The following SLC14A2 variants were observed in gnomAD, a reference collection of about 807,000 sequenced individuals.
SLC14A2 encodes urea transporter 2.
SLC14A2 carries 91 observed loss-of-function variants against 104.6 expected under a neutral mutation model. The ratio of observed to expected loss-of-function variants is 0.87; its 90% CI spans 0.73 to 1.04. SLC14A2 has a LOEUF of 1.04. Among genes scored for constraint, SLC14A2 ranks in the 50% least tolerant of loss-of-function variants. SLC14A2 has a pLI of 0.00. For missense variants in SLC14A2, 1,189 were observed against 1,156.0 expected, an observed-to-expected ratio of 1.03 and a Z score of -0.41; for synonymous variants, 476 against 466.4, an observed-to-expected ratio of 1.02 and a Z score of -0.27.
intron 2 of SLC14A2, among the ~76,000 whole-genome samples, chr18:45,536,598 A>G (rs1450530261): frequency 2.0e-5 from 3 of 152,164 alleles, no homozygotes; most frequent in African/African-American, 7.2e-5. Flanking sequence ...CTTCTCCAGT[A>G]TGATCTCATC....
chr18:45,423,232 T>TC (rs2086373925), intron 1 of SLC14A2, among the ~76,000 whole-genome samples: 2 of 152,166 alleles, frequency 1.3e-5, no homozygotes, highest in African/African-American at 4.8e-5. Flanking sequence ...CTTCCCACAA[T>TC]CCCATAATGT....
At chr18:45,274,176 G>A (rs1599634371) in intron 1 of SLC14A2, among the ~76,000 whole-genome samples, 1 of 152,066 alleles carries the variant, frequency 6.6e-6, no homozygotes, top group African/African-American at 2.4e-5. Flanking sequence ...GGGTAGGGGA[G>A]GCCAAAGTAC....
intron 2 of SLC14A2, among the ~76,000 whole-genome samples, chr18:45,553,359 T>C (rs185366423): frequency 1.3e-3 from 193 of 152,298 alleles, no homozygotes; most frequent in African/African-American, 4.4e-3. Flanking sequence ...ACTTTTCCCA[T>C]TCCCTTGACC....
chr18:45,481,598 C>T (rs938336834), intron 1 of SLC14A2, among the ~76,000 whole-genome samples: 3 of 152,120 alleles, frequency 2.0e-5, no homozygotes, highest in Admixed American at 2.0e-4. Context: ...ATACAAAATG[C>T]TTCCAAAAAA....
the SLC14A2 span, among the ~76,000 whole-genome samples, chr18:45,170,763 C>A: frequency 6.6e-6 from 1 of 152,110 alleles, no homozygotes; most frequent in East Asian, 1.9e-4. Context: ...TGGGTCTAGG[C>A]AAATGTGACA....
At chr18:45,289,372 C>A (rs1219618489) in intron 1 of SLC14A2, among the ~76,000 whole-genome samples, 1 of 152,078 alleles carries the variant, frequency 6.6e-6, no homozygotes, top group African/African-American at 2.4e-5. Flanking sequence ...CATAGTGGTT[C>A]TTTGAGTCCC....
At chr18:45,223,127 A>G (rs1175959290) in intron 1 of SLC14A2, among the ~76,000 whole-genome samples, 2 of 152,178 alleles carry the variant, frequency 1.3e-5, no homozygotes, top group Non-Finnish European at 2.9e-5. Context: ...GCCCTATAAG[A>G]TGGAATCTGT....
the SLC14A2 span, among the ~76,000 whole-genome samples, chr18:45,183,893 G>A: frequency 7.6e-6 from 1 of 132,084 alleles, no homozygotes; most frequent in Non-Finnish European, 1.7e-5. Flanking sequence ...CACCTCACCT[G>A]GCTAATTTTC....
At chr18:45,558,908 A>C (rs1328237132) in intron 2 of SLC14A2, among the ~76,000 whole-genome samples, 1 of 152,132 alleles carries the variant, frequency 6.6e-6, no homozygotes, top group East Asian at 1.9e-4. Flanking sequence ...CCTCTGCCTC[A>C]GCCTCCAGAG....
chr18:45,326,560 C>A (rs892052391), intron 1 of SLC14A2, among the ~76,000 whole-genome samples: 1 of 152,208 alleles, frequency 6.6e-6, no homozygotes, highest in African/African-American at 2.4e-5. Context: ...GTCATCTCCC[C>A]TACCCTCCTG....
At chr18:45,350,301 A>G (rs145741721) in intron 1 of SLC14A2, among the ~76,000 whole-genome samples, 24 of 152,340 alleles carry the variant, frequency 1.6e-4, no homozygotes, top group Middle Eastern at 3.4e-3. Flanking sequence ...CATACACTAA[A>G]CAGTCACCAT....
At chr18:45,261,647 G>A (rs1256298964) in intron 1 of SLC14A2, among the ~76,000 whole-genome samples, 1 of 151,858 alleles carries the variant, frequency 6.6e-6, no homozygotes, top group Non-Finnish European at 1.5e-5. Context: ...CTATAAGTGA[G>A]AACATGCGGT....
Position 45,313,172 on chromosome 18 carries a change from A to G in SLC14A2, c.-125+99981A>G, listed in dbSNP as rs374856815. Among the ~76,000 whole-genome samples, 263 of 152,312 alleles carry G rather than the reference A, an allele frequency of 1.7e-3. 4 individuals are homozygous for G. In the South Asian group the frequency reaches 0.026, roughly 15 times the overall value. Reference sequence around the variant, plus strand: ...GGATGGCATCCATACTGAACAGACTAATTTGATGAGCTGAGGGGATTTTCC... The same window carrying G: ...GGATGGCATCCATACTGAACAGACTGATTTGATGAGCTGAGGGGATTTTCC... On this transcript the variant is annotated intron_variant, in intron 1 of 20. Transcript: ENST00000586448.
intron 1 of SLC14A2, among the ~76,000 whole-genome samples, chr18:45,274,611 A>G (rs765998098): frequency 1.3e-5 from 2 of 152,188 alleles, no homozygotes; most frequent in Non-Finnish European, 2.9e-5. Flanking sequence ...ACAAATTCTT[A>G]CTTTCTCAAG....
intron 18 of SLC14A2, among the ~76,000 whole-genome samples, chr18:45,674,178 G>A (rs1447045803): frequency 6.6e-6 from 1 of 152,142 alleles, no homozygotes; most frequent in Non-Finnish European, 1.5e-5. Context: ...TTTGTTCAGA[G>A]TCCCAGGAAA....
Position 45,669,425 on chromosome 18 carries a change from TC to T in SLC14A2, c.2157del (p.Phe720SerfsTer26), listed in dbSNP as rs749411360. On this transcript the variant is annotated frameshift_variant, in exon 16 of 20. Transcript: ENST00000255226. LOFTEE classifies it high-confidence loss of function. ...GCAGCCACGGGCCACTACAACCTTTTCTTCCCCACAACGCTGCTGCAGCCTG... is the reference window on the plus strand; with the variant it reads ...GCAGCCACGGGCCACTACAACCTTTTTTCCCCACAACGCTGCTGCAGCCTG... The part of the protein sequence containing the change: ...YLAATGHYNL[F>X]FPTTLLQPAS... 5.0e-6 allele frequency: 8 copies of T among 1,614,150 alleles called. No individual in the cohort carries two copies. The East Asian group carries it at 1.8e-4, about 36-fold the overall frequency.
At chr18:45,464,901 G>C (rs1212366091) in intron 1 of SLC14A2, among the ~76,000 whole-genome samples, 1 of 152,186 alleles carries the variant, frequency 6.6e-6, no homozygotes, top group Non-Finnish European at 1.5e-5. Flanking sequence ...GGTTGGTAGA[G>C]CCTGTCTCTG....
chr18:45,207,425 A>C, the SLC14A2 span, among the ~76,000 whole-genome samples: 20 of 151,584 alleles, frequency 1.3e-4, no homozygotes, highest in Non-Finnish European at 2.4e-4. Context: ...GAGAGAAAGA[A>C]AAAAGAGAAA....
intron 1 of SLC14A2, among the ~76,000 whole-genome samples, chr18:45,216,562 C>T (rs575198024): frequency 6.6e-6 from 1 of 152,270 alleles, no homozygotes; most frequent in South Asian, 2.1e-4. Flanking sequence ...TCTCATCTAA[C>T]CCAGTGTTAC....
Sources: gnomAD v4.1 joint callset for allele counts (sites outside exome capture counted in the v4.1 genomes callset) on GRCh38, gnomAD v4.1.1 for gene constraint, MANE v1.5 for transcripts, NCBI Gene and HGNC (gene_info 2026-07-23, HGNC 2026-07-21) for gene names.